The following SHB variants were observed in gnomAD, a reference collection of about 807,000 sequenced individuals.
The protein encoded by SHB is SH2 domain containing adaptor protein B.
Under a neutral mutation model 52.3 loss-of-function variants are expected in SHB, and 20 were observed. The observed-to-expected ratio is 0.38, with a 90% CI of 0.27 to 0.56. SHB has a LOEUF of 0.56. Among genes scored for constraint, SHB ranks in the 20% least tolerant of loss-of-function variants. The pLI is 0.71. For missense variants in SHB, 825 were observed against 723.3 expected (o/e 1.14, Z -1.61); for synonymous variants, 397 against 316.5 (o/e 1.25, Z -2.70).
At chr9:37,966,857 T>C (rs1773890843) in intron 3 of SHB, among the ~76,000 whole-genome samples, 1 of 152,282 alleles carries the variant, frequency 6.6e-6, no homozygotes, top group Admixed American at 6.5e-5. Flanking sequence ...TGTGGAGCAG[T>C]GCCCTACACA....
chr9:37,943,485 C>A (rs1371637613), intron 5 of SHB, among the ~76,000 whole-genome samples: 2 of 152,164 alleles, frequency 1.3e-5, no homozygotes, highest in Admixed American at 6.5e-5. Context: ...AGGCCAGACC[C>A]CAGAGGTGTC....
intron 3 of SHB, among the ~76,000 whole-genome samples, chr9:37,966,683 G>A (rs1246907232): frequency 1.3e-5 from 2 of 152,216 alleles, no homozygotes; most frequent in African/African-American, 4.8e-5. Context: ...AGCATCATGG[G>A]AGCCTAAGGG....
chr9:37,985,715 C>CTA (rs1820797973), intron 2 of SHB, among the ~76,000 whole-genome samples: 1 of 152,250 alleles, frequency 6.6e-6, no homozygotes, highest in African/African-American at 2.4e-5. Flanking sequence ...CCACTGAACC[C>CTA]CTACTATGTG....
At chr9:38,021,068 T>A (rs1290427212) in intron 1 of SHB, among the ~76,000 whole-genome samples, 2 of 152,242 alleles carry the variant, frequency 1.3e-5, no homozygotes, top group African/African-American at 4.8e-5. Flanking sequence ...CCGGGCTTAG[T>A]GGCTCACATC....
intron 3 of SHB, among the ~76,000 whole-genome samples, chr9:37,958,697 T>C (rs771622001): frequency 6.6e-6 from 1 of 152,180 alleles, no homozygotes; most frequent in Non-Finnish European, 1.5e-5. Flanking sequence ...AAGGGGGCTT[T>C]TGTGATAGTG....
chr9:38,030,464 C>G (rs1821399765), intron 1 of SHB, among the ~76,000 whole-genome samples: 1 of 152,186 alleles, frequency 6.6e-6, no homozygotes, highest in African/African-American at 2.4e-5. Flanking sequence ...AGGAAATGCT[C>G]TAAGTCAGGC....
intron 1 of SHB, among the ~76,000 whole-genome samples, chr9:38,039,933 C>T (rs1821552265): frequency 6.6e-6 from 1 of 152,252 alleles, no homozygotes; most frequent in Non-Finnish European, 1.5e-5. Context: ...TCCCTAGGCC[C>T]CAGTCTTATT....
At chr9:38,014,564 C>T (rs778050975) in intron 2 of SHB, among the ~76,000 whole-genome samples, 2 of 152,272 alleles carry the variant, frequency 1.3e-5, no homozygotes, top group Non-Finnish European at 2.9e-5. Flanking sequence ...ACAAGCTCAA[C>T]TCTTGGCCTC....
chr9:38,031,571 T>C (rs975066830), intron 1 of SHB, among the ~76,000 whole-genome samples: 3 of 152,156 alleles, frequency 2.0e-5, no homozygotes, highest in Admixed American at 2.0e-4. Context: ...CTTCCTATGA[T>C]GTCAATGGTC....
At chr9:38,047,864 T>C (rs1310365420) in intron 1 of SHB, among the ~76,000 whole-genome samples, 1 of 152,240 alleles carries the variant, frequency 6.6e-6, no homozygotes, top group Non-Finnish European at 1.5e-5. Context: ...TTGCCCGAGC[T>C]AACGCTGTGG....
chr9:37,971,973 G>C (rs1820594999), intron 3 of SHB, among the ~76,000 whole-genome samples: 1 of 152,202 alleles, frequency 6.6e-6, no homozygotes, highest in South Asian at 2.1e-4. Context: ...CTGACTCATA[G>C]GCCTGGGATG....
At chr9:37,931,309 AT>A (rs1202094100) in intron 5 of SHB, among the ~76,000 whole-genome samples, 1 of 152,202 alleles carries the variant, frequency 6.6e-6, no homozygotes, top group Non-Finnish European at 1.5e-5. Context: ...CAGCCTACAG[AT>A]TGGGAAAAAA....
At chr9:38,030,602 G>A (rs1235954273) in intron 1 of SHB, among the ~76,000 whole-genome samples, 1 of 152,188 alleles carries the variant, frequency 6.6e-6, no homozygotes, top group Admixed American at 6.5e-5. Context: ...AGCTTCACAG[G>A]TGAGTGGCCT....
At chr9:38,029,568 T>C (rs188467259) in intron 1 of SHB, among the ~76,000 whole-genome samples, 1 of 150,462 alleles carries the variant, frequency 6.6e-6, no homozygotes, top group Non-Finnish European at 1.5e-5. Context: ...CTAGGCTCAC[T>C]GCAACCTCCA....
chr9:37,987,864 G>T (rs1185239625), intron 2 of SHB, among the ~76,000 whole-genome samples: 3 of 152,108 alleles, frequency 2.0e-5, no homozygotes, highest in African/African-American at 4.8e-5. Flanking sequence ...TTACAAACTG[G>T]TAGTGGGGGC....
chr9:38,062,807 T>G (rs1308880437), intron 1 of SHB, among the ~76,000 whole-genome samples: 2 of 152,224 alleles, frequency 1.3e-5, no homozygotes, highest in African/African-American at 4.8e-5. Flanking sequence ...CAGCTGCCTG[T>G]TTTTGTAAAT....
At chr9:37,981,141 A>G (rs1367230778) in intron 2 of SHB, among the ~76,000 whole-genome samples, 2 of 152,352 alleles carry the variant, frequency 1.3e-5, no homozygotes, top group East Asian at 3.9e-4. Flanking sequence ...GAAGCCAGGC[A>G]TTGACTTCCC....
chr9:38,006,791 G>A (rs555403233), intron 2 of SHB, among the ~76,000 whole-genome samples: 23 of 152,292 alleles, frequency 1.5e-4, no homozygotes, highest in East Asian at 1.2e-3. Flanking sequence ...CTCAGGGCCC[G>A]TGCTCCTCTA....
intron 2 of SHB, among the ~76,000 whole-genome samples, chr9:37,985,075 T>C (rs1188789362): frequency 1.3e-5 from 2 of 152,170 alleles, no homozygotes; most frequent in Non-Finnish European, 2.9e-5. Context: ...TCATCTCTTT[T>C]CCAGGCATGC....
Sources: gnomAD v4.1 joint callset for allele counts (sites outside exome capture counted in the v4.1 genomes callset) on GRCh38, gnomAD v4.1.1 for gene constraint, MANE v1.5 for transcripts, NCBI Gene and HGNC (gene_info 2026-07-23, HGNC 2026-07-21) for gene names.